Variants in MAPKAP1 observed in about 807,000 individuals in gnomAD.
MAPKAP1 encodes the protein MAPK associated protein 1, also known as target of rapamycin complex 2 subunit MAPKAP1.
In MAPKAP1, 20 loss-of-function variants were observed where a neutral mutation model predicts 65.7. The ratio of observed to expected loss-of-function variants is 0.30; its 90% CI spans 0.21 to 0.44. MAPKAP1 has a LOEUF of 0.44. Ranked by LOEUF, MAPKAP1 falls within the 20% of genes least tolerant of loss-of-function variation. The pLI is 1.00. For synonymous variants in MAPKAP1, 222 were observed against 244.3 expected, an observed-to-expected ratio of 0.91 and a Z score of 0.85; for missense variants, 423 against 648.0, an observed-to-expected ratio of 0.65 and a Z score of 3.77.
At chr9:125,569,956 ATGAC>A (rs901745781) in intron 5 of MAPKAP1, among the ~76,000 whole-genome samples, 2 of 152,262 alleles carry the variant, frequency 1.3e-5, no homozygotes, top group Non-Finnish European at 2.9e-5. Context: ...AGCTTTAAAA[ATGAC>A]TGATAAAAAT....
At position 125,438,047 on chromosome 9, in the gene MAPKAP1, C is replaced by T; in HGVS notation, c.*840G>A. On this transcript the variant is annotated 3_prime_UTR_variant, in exon 12 of 12. Transcript: ENST00000265960. ...CCTTCCAAGGCAGCGAAGCAGAGAA[C>T]ATGCAGGTGGAACTGCCAGCTGAAA... The T allele has an allele frequency of 3.8e-6, 1 of 264,390 alleles. No homozygotes were observed. The highest frequency in any genetic ancestry group is 7.1e-6 in the Non-Finnish European group (1 of 141,246). 16.4% of individuals were successfully genotyped at this position (264,390 alleles called of 1,614,324 possible).
chr9:125,511,167 T>C lies in MAPKAP1; in HGVS notation c.959-4750A>G, dbSNP rs533000890. ...TAAGTATCAGCTATCATCATCACCA[T>C]CATCATCATCATCATCATCATCATC... On this transcript the variant is annotated intron_variant, in intron 7 of 11. Transcript: ENST00000265960. Among the ~76,000 whole-genome samples the C allele has an allele frequency of 3.5e-4, 14 of 39,832 alleles. No individual in the cohort carries two copies. The South Asian group carries it at 1.0e-2, about 28-fold the overall frequency. The allele number at this position is 39,832 out of a possible 152,430, so 26.1% of individuals were successfully genotyped here.
chr9:125,574,948 A>C (rs1362644759), intron 5 of MAPKAP1, among the ~76,000 whole-genome samples: 1 of 152,190 alleles, frequency 6.6e-6, no homozygotes, highest in African/African-American at 2.4e-5. Context: ...CAGAATTAAA[A>C]CCCAGCCTGT....
chr9:125,579,801 G>A (rs1831562189), intron 5 of MAPKAP1, among the ~76,000 whole-genome samples: 2 of 152,162 alleles, frequency 1.3e-5, no homozygotes. Flanking sequence ...CCGACAGGAG[G>A]AGATCCCAGG....
intron 1 of MAPKAP1, among the ~76,000 whole-genome samples, chr9:125,687,090 T>C (rs1348478072): frequency 1.3e-5 from 2 of 151,704 alleles, no homozygotes; most frequent in Non-Finnish European, 2.9e-5. Context: ...CCTCCCAAAG[T>C]GCTGGGATTA....
At chr9:125,629,608 G>C (rs867552124) in intron 4 of MAPKAP1, among the ~76,000 whole-genome samples, 1 of 152,168 alleles carries the variant, frequency 6.6e-6, no homozygotes, top group Non-Finnish European at 1.5e-5. Context: ...GCCAGGGCTG[G>C]GGGCAAGAGG....
At chr9:125,688,521 T>A (rs867613950) in intron 1 of MAPKAP1, among the ~76,000 whole-genome samples, 5 of 152,304 alleles carry the variant, frequency 3.3e-5, no homozygotes, top group Middle Eastern at 3.4e-3. Flanking sequence ...CTTATAATAC[T>A]ATAATTAGGG....
chr9:125,554,414 C>T (rs1281580844), intron 6 of MAPKAP1, among the ~76,000 whole-genome samples: 2 of 152,166 alleles, frequency 1.3e-5, no homozygotes, highest in African/African-American at 4.8e-5. Context: ...CTCATAGATT[C>T]AGGACTTTCA....
intron 1 of MAPKAP1, among the ~76,000 whole-genome samples, chr9:125,704,879 C>G (rs2131890476): frequency 6.6e-6 from 1 of 152,292 alleles, no homozygotes; most frequent in East Asian, 1.9e-4. Flanking sequence ...TAAATATTCA[C>G]AACACTCCAT....
At chr9:125,531,316 A>G (rs1829927523) in intron 7 of MAPKAP1, among the ~76,000 whole-genome samples, 2 of 152,206 alleles carry the variant, frequency 1.3e-5, no homozygotes, top group South Asian at 4.1e-4. Context: ...AAGTCCTGCA[A>G]CCTCTCTGAG....
At chr9:125,491,607 T>C (rs1442419647) in intron 8 of MAPKAP1, among the ~76,000 whole-genome samples, 2 of 151,008 alleles carry the variant, frequency 1.3e-5, no homozygotes, top group Non-Finnish European at 2.9e-5. Flanking sequence ...CAAAACCCCA[T>C]CTCTACAAAA....
intron 4 of MAPKAP1, among the ~76,000 whole-genome samples, chr9:125,631,597 C>A (rs1833281471): frequency 6.6e-6 from 1 of 152,332 alleles, no homozygotes; most frequent in East Asian, 1.9e-4. Flanking sequence ...TTGCTAACCA[C>A]AGCCATGGTG....
intron 7 of MAPKAP1, among the ~76,000 whole-genome samples, chr9:125,519,764 G>A (rs1020539668): frequency 6.6e-6 from 1 of 151,462 alleles, no homozygotes; most frequent in Non-Finnish European, 1.5e-5. Flanking sequence ...TATCACCATG[G>A]CCTGATAACT....
intron 8 of MAPKAP1, among the ~76,000 whole-genome samples, chr9:125,502,137 T>C (rs1829000220): frequency 6.6e-6 from 1 of 151,992 alleles, no homozygotes; most frequent in Non-Finnish European, 1.5e-5. Context: ...AGTCTCACTC[T>C]GTTGCCCAGG....
chr9:125,454,197 T>G (rs756493596), intron 10 of MAPKAP1, among the ~76,000 whole-genome samples: 5 of 152,250 alleles, frequency 3.3e-5, no homozygotes, highest in Admixed American at 3.3e-4. Flanking sequence ...ATGAGGGCCT[T>G]TTGACGCTTC....
chr9:125,674,340 C>T (rs1327170422), intron 1 of MAPKAP1, among the ~76,000 whole-genome samples: 1 of 152,136 alleles, frequency 6.6e-6, no homozygotes, highest in Non-Finnish European at 1.5e-5. Context: ...GTCAATATCC[C>T]ATCTGTCTTA....
intron 8 of MAPKAP1, among the ~76,000 whole-genome samples, chr9:125,489,430 T>C (rs1360471153): frequency 6.6e-6 from 1 of 152,184 alleles, no homozygotes; most frequent in Non-Finnish European, 1.5e-5. Context: ...ATTACCATAA[T>C]GTATTGTGTC....
intron 10 of MAPKAP1, among the ~76,000 whole-genome samples, chr9:125,464,749 G>A (rs1269490375): frequency 1.3e-5 from 2 of 152,146 alleles, no homozygotes; most frequent in African/African-American, 4.8e-5. Flanking sequence ...CTCCGGTCCC[G>A]CAGTATGTGT....
At chr9:125,661,472 T>C (rs1686304972) in intron 3 of MAPKAP1, among the ~76,000 whole-genome samples, 2 of 152,196 alleles carry the variant, frequency 1.3e-5, no homozygotes, top group Non-Finnish European at 2.9e-5. Context: ...CAGAGTATTA[T>C]GCAGCTGTAA....
Sources: allele counts gnomAD v4.1 joint callset (sites outside exome capture counted in the v4.1 genomes callset), GRCh38; gene constraint gnomAD v4.1.1; transcripts MANE v1.5; gene names NCBI Gene and HGNC (gene_info 2026-07-23, HGNC 2026-07-21).